Variants in ZBTB20 observed in about 807,000 individuals in gnomAD.
ZBTB20 encodes the protein zinc finger and BTB domain-containing protein 20.
Under a neutral mutation model 56.9 loss-of-function variants are expected in ZBTB20, and 9 were observed. That is an observed-to-expected ratio of 0.16 (90% CI 0.10 to 0.28). The LOEUF (loss-of-function observed/expected upper bound fraction) is 0.28, where lower values mean the gene tolerates loss of function less well. Ranked by LOEUF, ZBTB20 falls within the 10% of genes least tolerant of loss-of-function variation. The pLI, the probability that ZBTB20 is intolerant of heterozygous loss-of-function variation, is 1.00. For missense variants in ZBTB20, 655 were observed against 1,003.0 expected (o/e 0.65, Z 4.69); for synonymous variants, 417 against 420.7 (o/e 0.99, Z 0.11).
rs143415181 is a variant in ZBTB20, at chr3:115,111,395, A to G, written c.-703+35824T>C. Reference sequence around the variant, plus strand: ...ATTAAATGGTTTGGGACTCCAATACATACCTCTTATGATGTTTTATCTGAA... The same window carrying G: ...ATTAAATGGTTTGGGACTCCAATACGTACCTCTTATGATGTTTTATCTGAA... On this transcript the variant is annotated intron_variant, in intron 1 of 11. Transcript: ENST00000675478. 2.7e-3 allele frequency among the ~76,000 whole-genome samples: 414 copies of G among 152,298 alleles called. 6 individuals carry two copies. Among genetic ancestry groups the G allele is most frequent in the African/African-American group, 9.4e-3 (390 of 41,574 alleles).
At chr3:114,647,157 A>T (rs902370139) in intron 6 of ZBTB20, among the ~76,000 whole-genome samples, 2 of 151,980 alleles carry the variant, frequency 1.3e-5, no homozygotes, top group African/African-American at 4.8e-5. Context: ...ACTGGCTTTC[A>T]TCGTGTTAAC....
In ZBTB20 at chr3:114,571,609, C is replaced by T. The variant is rs565118740; in HGVS notation, c.-294-71218G>A. ...TCAAGCCACACAGCATTAAGCAGGG[C>T]CAATCTTAAGGAATAATGCCATGGG... On this transcript the variant is annotated intron_variant, in intron 6 of 11. Transcript: ENST00000675478. Among the ~76,000 whole-genome samples the T allele has an allele frequency of 7.9e-5, 12 of 152,162 alleles. 1 individual carries two copies. Among genetic ancestry groups the T allele is most frequent in the Non-Finnish European group, 1.2e-4 (8 of 67,970 alleles).
At chr3:114,543,543 T>C (rs1331172191) in intron 6 of ZBTB20, among the ~76,000 whole-genome samples, 1 of 152,212 alleles carries the variant, frequency 6.6e-6, no homozygotes, top group Non-Finnish European at 1.5e-5. Flanking sequence ...GCCTTTCTTC[T>C]TGGTACTTTC....
chr3:114,804,351 A>T (rs1279443931), intron 4 of ZBTB20, among the ~76,000 whole-genome samples: 1 of 151,960 alleles, frequency 6.6e-6, no homozygotes. Context: ...GGAGTTTTAG[A>T]TATCACCAGG....
chr3:114,443,316 A>G (rs184304518), intron 7 of ZBTB20, among the ~76,000 whole-genome samples: 1 of 152,306 alleles, frequency 6.6e-6, no homozygotes, highest in Admixed American at 6.5e-5. Context: ...ACAGAGGTGT[A>G]ACAAGCTCAT....
At chr3:115,102,048 T>G (rs1005337110) in intron 1 of ZBTB20, among the ~76,000 whole-genome samples, 1 of 152,218 alleles carries the variant, frequency 6.6e-6, no homozygotes, top group Admixed American at 6.5e-5. Context: ...ATTTTCAGGG[T>G]GGCTAACCTA....
intron 2 of ZBTB20, among the ~76,000 whole-genome samples, chr3:115,048,563 A>G (rs529562076): frequency 6.6e-6 from 1 of 152,190 alleles, no homozygotes. Context: ...ATCTTGACTA[A>G]ATTAAAACAA....
chr3:115,072,287 G>T lies in ZBTB20; in HGVS notation c.-702-873C>A, dbSNP rs189362872. 7.9e-5 allele frequency among the ~76,000 whole-genome samples: 12 copies of T among 152,118 alleles called. No homozygotes were observed. In the East Asian group the frequency reaches 1.9e-3, roughly 25 times the overall value. On this transcript the variant is annotated intron_variant, in intron 1 of 11. Coordinates refer to ENST00000675478, the MANE Select transcript of ZBTB20 (RefSeq NM_001348800.3). ...AAACTGTATGGAAGAATAGGTATTG[G>T]GCTTTTCTGTAACTGATGTAGATAC...
At chr3:114,895,719 A>C (rs1487746652) in intron 4 of ZBTB20, among the ~76,000 whole-genome samples, 1 of 152,150 alleles carries the variant, frequency 6.6e-6, no homozygotes, top group Non-Finnish European at 1.5e-5. Context: ...AATAATACAC[A>C]GAGACTACTA....
chr3:114,667,612 A>C (rs746525442), intron 6 of ZBTB20, among the ~76,000 whole-genome samples: 5 of 152,030 alleles, frequency 3.3e-5, no homozygotes, highest in Admixed American at 6.6e-5. Context: ...AGTGGCTATT[A>C]TCAGGGTATA....
chr3:114,814,281 TA>T (rs2072769183), intron 4 of ZBTB20, among the ~76,000 whole-genome samples: 1 of 149,492 alleles, frequency 6.7e-6, no homozygotes, highest in African/African-American at 2.4e-5. Context: ...TTTATATAAA[TA>T]TATTTATACA....
chr3:114,890,448 G>A (rs140818119), intron 4 of ZBTB20, among the ~76,000 whole-genome samples: 35 of 152,300 alleles, frequency 2.3e-4, no homozygotes, highest in Non-Finnish European at 4.1e-4. Context: ...TCTGAGTAGC[G>A]TAGGGACATG....
At position 114,528,449 on chromosome 3, in the gene ZBTB20, T is replaced by A. The variant is rs555272772; in HGVS notation, c.-294-28058A>T. Among the ~76,000 whole-genome samples, 317 of 152,110 alleles carry A rather than the reference T, an allele frequency of 2.1e-3. 1 individual carries two copies. The highest frequency in any genetic ancestry group is 7.1e-3 in the African/African-American group (295 of 41,520). On this transcript the variant is annotated intron_variant, in intron 6 of 11. Coordinates refer to ENST00000675478, the MANE Select transcript of ZBTB20 (RefSeq NM_001348800.3). ...CTTCAGGATAAAAAACAAAAAAAAA[T>A]TTTTCCTAAAGAAGAAATATGGGCT... is the stretch of plus-strand genomic sequence containing the variant.
At chr3:114,678,752 A>G (rs138990813) in intron 6 of ZBTB20, among the ~76,000 whole-genome samples, 212 of 152,306 alleles carry the variant, frequency 1.4e-3, no homozygotes, top group African/African-American at 5.0e-3. Context: ...AAGCACGAGC[A>G]TAAGAATGAC....
intron 4 of ZBTB20, among the ~76,000 whole-genome samples, chr3:114,834,685 G>C (rs529670476): frequency 1.3e-4 from 20 of 152,010 alleles, no homozygotes; most frequent in African/African-American, 4.8e-4. Context: ...TGAAGCCTCA[G>C]GGAAGAGGGC....
chr3:114,349,759 G>T (rs940828336), intron 11 of ZBTB20, among the ~76,000 whole-genome samples: 2 of 152,164 alleles, frequency 1.3e-5, no homozygotes, highest in Admixed American at 6.5e-5. Context: ...GTACTCTAAA[G>T]ACTTCACATG....
chr3:114,607,991 T>TA (rs1228554685), intron 6 of ZBTB20, among the ~76,000 whole-genome samples: 1 of 151,948 alleles, frequency 6.6e-6, no homozygotes, highest in African/African-American at 2.4e-5. Flanking sequence ...AGAAGGTACA[T>TA]ACTGATATAA....
At chr3:114,481,488 C>T (rs1303722240) in intron 7 of ZBTB20, among the ~76,000 whole-genome samples, 2 of 152,162 alleles carry the variant, frequency 1.3e-5, no homozygotes, top group Non-Finnish European at 2.9e-5. Context: ...GTGAGAATCC[C>T]TCCCCGATTT....
rs555540830 is a variant in ZBTB20, at chr3:114,891,845, G to A, written c.-417+8459C>T. Among the ~76,000 whole-genome samples, 16 of 152,228 alleles carry A rather than the reference G, an allele frequency of 1.1e-4. No homozygotes were observed. The East Asian group carries it at 3.1e-3, about 29-fold the overall frequency. On this transcript the variant is annotated intron_variant, in intron 4 of 11. Coordinates refer to ENST00000675478, the MANE Select transcript of ZBTB20 (RefSeq NM_001348800.3). Reference sequence around the variant, plus strand: ...GTGGATTGCCTGAGCTCAGGAGTTTGAGACCAGCCCGGGCAACATGGTGAA... The same window carrying A: ...GTGGATTGCCTGAGCTCAGGAGTTTAAGACCAGCCCGGGCAACATGGTGAA...
Sources: allele counts gnomAD v4.1 joint callset (sites outside exome capture counted in the v4.1 genomes callset), GRCh38; gene constraint gnomAD v4.1.1; transcripts MANE v1.5; gene names NCBI Gene and HGNC (gene_info 2026-07-23, HGNC 2026-07-21).